Variants in AARSD1 observed in about 807,000 individuals in gnomAD.
AARSD1 encodes alanyl-tRNA editing protein Aarsd1.
AARSD1 carries 44 observed loss-of-function variants against 48.7 expected under a neutral mutation model. The ratio of observed to expected loss-of-function variants is 0.90; its 90% CI spans 0.71 to 1.16. AARSD1 has a LOEUF of 1.16. AARSD1 is among the 50% of genes most tolerant of loss of function. The pLI is 0.00. For synonymous variants in AARSD1, 189 were observed against 194.9 expected (o/e 0.97, Z 0.25); for missense variants, 511 against 523.1 (o/e 0.98, Z 0.23).
chr17:42,957,942 G>C (rs968322030), intron 3 of AARSD1, among the ~76,000 whole-genome samples: 5 of 152,082 alleles, frequency 3.3e-5, no homozygotes, highest in African/African-American at 1.2e-4. Context: ...AGAAAGAGGA[G>C]GAACTATCAA....
chr17:42,950,965 C>T (rs2049472043), intron 11 of AARSD1, among the ~76,000 whole-genome samples: 1 of 151,590 alleles, frequency 6.6e-6, no homozygotes, highest in Non-Finnish European at 1.5e-5. Flanking sequence ...TCAAGACCAG[C>T]CTGACCAATA....
At chr17:42,954,796 G>T in intron 9 of AARSD1, 80 bp downstream of exon 9, 1 of 1,469,046 alleles carries the variant, frequency 6.8e-7, no homozygotes, top group Non-Finnish European at 9.5e-7. Flanking sequence ...ACCTCCCACT[G>T]TACATTGCAT....
At chr17:42,956,921 C>G (rs1450020344) in intron 4 of AARSD1, among the ~76,000 whole-genome samples, 2 of 148,430 alleles carry the variant, frequency 1.3e-5, no homozygotes, top group Non-Finnish European at 3.0e-5. Flanking sequence ...CCCGCCTCGG[C>G]CTCCCAAAGT....
intron 3 of AARSD1, among the ~76,000 whole-genome samples, chr17:42,957,936 A>G (rs2049581280): frequency 6.6e-6 from 1 of 152,196 alleles, no homozygotes; most frequent in African/African-American, 2.4e-5. Flanking sequence ...AAAAGGAGAA[A>G]GAGGAGGAAC....
At chr17:42,963,749 G>T (rs764754614) in intron 2 of AARSD1, among the ~76,000 whole-genome samples, 3 of 151,540 alleles carry the variant, frequency 2.0e-5, no homozygotes, top group Non-Finnish European at 4.4e-5. Context: ...CTTCGTTTAG[G>T]TCTCTACTGA....
Position 42,956,465 on chromosome 17 carries a change from A to AT in AARSD1, c.484dup (p.Ile162AsnfsTer16), listed in dbSNP as rs2049554075. 4.3e-6 allele frequency: 7 copies of AT among 1,613,722 alleles called. No homozygotes were observed. Among genetic ancestry groups the AT allele is most frequent in the Middle Eastern group, 1.6e-4 (1 of 6,062 alleles). ...GACATTCACAGGCAGCCGATCTCTG[A>AT]TTTTTTCATTGACGCTCTGCTCAAT... On this transcript the variant is annotated frameshift_variant, in exon 5 of 12. Coordinates refer to ENST00000427569, the MANE Select transcript of AARSD1 (RefSeq NM_001261434.2). LOFTEE classifies it high-confidence loss of function.
chr17:42,961,883 C>T (rs2049641965), intron 2 of AARSD1, among the ~76,000 whole-genome samples: 1 of 151,976 alleles, frequency 6.6e-6, no homozygotes, highest in Non-Finnish European at 1.5e-5. Context: ...GGCCATGATA[C>T]TCCCTGCTAC....
intron 7 of AARSD1, chr17:42,955,640 A>T: frequency 1.3e-6 from 1 of 753,736 alleles, no homozygotes; most frequent in Non-Finnish European, 2.0e-6. Context: ...ACGGGGTTTC[A>T]CGGTGTTAGC....
rs1567719283 is a variant in AARSD1, at chr17:42,964,385, T to TCGC, written c.39+14_39+16dup. The TCGC allele has an allele frequency of 6.4e-7, 1 of 1,554,646 alleles. No individual in the cohort carries two copies. ...TGCCGGCCCGGCAGTCTCAAGTGCC[T>TCGC]CGCCGTGACGCCGTACCTCTCGGGC... is the stretch of plus-strand genomic sequence containing the variant. On this transcript the variant is annotated intron_variant, in intron 1 of 11. Coordinates refer to ENST00000427569, the MANE Select transcript of AARSD1 (RefSeq NM_001261434.2).
intron 9 of AARSD1, among the ~76,000 whole-genome samples, chr17:42,954,470 G>A (rs1216429931): frequency 6.6e-6 from 1 of 151,316 alleles, no homozygotes; most frequent in South Asian, 2.1e-4. Flanking sequence ...GTCTCACTCT[G>A]TTGGTCCAGG....
At position 42,964,412 on chromosome 17, in the gene AARSD1, T is replaced by A; in HGVS notation, c.29A>T (p.Tyr10Phe). The A allele has an allele frequency of 1.3e-6, 2 of 1,551,230 alleles. No homozygotes were observed. The highest frequency in any genetic ancestry group is 1.7e-6 in the Non-Finnish European group (2 of 1,147,206). Residue 10 changes from tyrosine (Y) to phenylalanine (F), a missense_variant, in exon 1 of 12, where the codon TAT becomes TTT. Coordinates refer to ENST00000427569, the MANE Select transcript of AARSD1 (RefSeq NM_001261434.2). ...GCCGTGACGCCGTACCTCTCGGGCA[T>A]AACTGTCACGCTGACACCAGAACGC... is the stretch of plus-strand genomic sequence containing the variant. The part of the protein sequence containing the change: MAFWCQRDS[Y>F]AREFTTTVVS...
chr17:42,955,141 T>G lies in AARSD1; in HGVS notation c.861+17A>C, dbSNP rs754850364. 5 of 1,614,020 alleles carry G rather than the reference T, an allele frequency of 3.1e-6. No homozygotes were observed. Among genetic ancestry groups the G allele is most frequent in the Non-Finnish European group, 4.2e-6 (5 of 1,179,970 alleles). On this transcript the variant is annotated intron_variant, in intron 8 of 11. Transcript: ENST00000427569. ...GGCAGGGCCCATGCCCTCTCTACCCTCCATGGAATAAATCACCTTCTGCAG... is the reference window on the plus strand; with the variant it reads ...GGCAGGGCCCATGCCCTCTCTACCCGCCATGGAATAAATCACCTTCTGCAG...
chr17:42,962,263 G>A, intron 2 of AARSD1: 1 of 246,504 alleles, frequency 4.1e-6, no homozygotes, highest in Non-Finnish European at 8.6e-6. Context: ...TCACGCCGCT[G>A]CGCTCCAGCC....
Position 42,957,128 on chromosome 17 carries a change from T to A in AARSD1, c.389+10A>T, listed in dbSNP as rs764169801. ...GCCTGCCTACAGTTAGTCTTATGCC[T>A]CCCACTCACCATGATGTTGTCTTCA... On this transcript the variant is annotated intron_variant, in intron 4 of 11. Transcript: ENST00000427569. 5.0e-6 allele frequency: 8 copies of A among 1,613,336 alleles called. No homozygotes were observed. The highest frequency in any genetic ancestry group is 5.9e-6 in the Non-Finnish European group (7 of 1,179,686).
At chr17:42,955,757 G>T in intron 7 of AARSD1, 85 bp downstream of exon 7, 2 of 1,584,898 alleles carry the variant, frequency 1.3e-6, no homozygotes, top group South Asian at 2.3e-5. Flanking sequence ...TATCATTTAC[G>T]ATTGCATCTT....
In AARSD1 at chr17:42,957,333, G is replaced by C. The variant is rs1199642534; in HGVS notation, c.332-138C>G. The C allele has an allele frequency of 2.9e-6, 3 of 1,028,588 alleles. No individual in the cohort carries two copies. In the African/African-American group the frequency reaches 4.8e-5, roughly 17 times the overall value. The allele number at this position is 1,028,588 out of a possible 1,614,324, so 63.7% of individuals were successfully genotyped here. ...GCTAAGCACTGGGTAATACACTTTA[G>C]ATACTTTATTGAAAATCACAATGAG... On this transcript the variant is annotated intron_variant, in intron 3 of 11. Transcript: ENST00000427569.
At chr17:42,958,849 T>C (rs1254307873) in intron 3 of AARSD1, among the ~76,000 whole-genome samples, 1 of 149,874 alleles carries the variant, frequency 6.7e-6, no homozygotes, top group East Asian at 2.1e-4. Flanking sequence ...ATTACAGGCA[T>C]GAGCCACCAC....
chr17:42,954,589 C>T lies in AARSD1; in HGVS notation c.953+287G>A, dbSNP rs1392131686. ...AGCTGGGACTACAGGCGCGTACTAC[C>T]ATGCCTAGCTAATTTTTGTACTTTT... On this transcript the variant is annotated intron_variant, in intron 9 of 11. Coordinates refer to ENST00000427569, the MANE Select transcript of AARSD1 (RefSeq NM_001261434.2). Among the ~76,000 whole-genome samples the T allele has an allele frequency of 2.0e-5, 3 of 152,018 alleles. No individual in the cohort carries two copies. The South Asian group carries it at 6.2e-4, about 31-fold the overall frequency.
chr17:42,964,077 G>T (rs1254906829), intron 2 of AARSD1, 29 bp downstream of exon 2: 1 of 1,613,512 alleles, frequency 6.2e-7, no homozygotes, highest in East Asian at 2.2e-5. Context: ...AGAAACTGGG[G>T]GCTTCCTGGG....
Sources: gnomAD v4.1 joint callset for allele counts (sites outside exome capture counted in the v4.1 genomes callset) on GRCh38, gnomAD v4.1.1 for gene constraint, MANE v1.5 for transcripts, NCBI Gene and HGNC (gene_info 2026-07-23, HGNC 2026-07-21) for gene names.